The following PARD6G variants were observed in gnomAD, a reference collection of about 807,000 sequenced individuals.
The protein encoded by PARD6G is par-6 family cell polarity regulator gamma, also known as partitioning defective 6 homolog gamma.
In PARD6G, 7 loss-of-function variants were observed where a neutral mutation model predicts 10.7. That is an observed-to-expected ratio of 0.66 (90% CI 0.37 to 1.23). PARD6G has a LOEUF of 1.23. PARD6G is among the 50% of genes most tolerant of loss of function. PARD6G has a pLI of 0.02. For missense variants in PARD6G, 548 were observed against 571.8 expected (o/e 0.96, Z 0.42); for synonymous variants, 287 against 269.4 (o/e 1.07, Z -0.64).
At chr18:80,211,458 G>A (rs1967107097) in intron 1 of PARD6G, among the ~76,000 whole-genome samples, 1 of 152,188 alleles carries the variant, frequency 6.6e-6, no homozygotes, top group African/African-American at 2.4e-5. Flanking sequence ...GTGCACGACT[G>A]GTGATAACGT....
intron 2 of PARD6G, among the ~76,000 whole-genome samples, chr18:80,177,046 CACCACA>C (rs2052813267): frequency 6.8e-6 from 1 of 146,968 alleles, no homozygotes; most frequent in Non-Finnish European, 1.5e-5. Flanking sequence ...CACACACACA[CACCACA>C]GTATAAATCA....
chr18:80,160,105 G>C lies in PARD6G; in HGVS notation c.797C>G (p.Ser266Trp), dbSNP rs768663756. The change falls in exon 3 of 3, where the codon TCG becomes TGG. Residue 266 changes from serine (S) to tryptophan (W), a missense_variant. By Grantham distance (177) the Ser-to-Trp change is radical. Transcript: ENST00000353265. The stretch of plus-strand genomic sequence containing the variant: ...CGCGGTGCCGTCCGAGGGCGGTCCC[G>C]AGCTGCCCAACGCGCGGCCGCCGCG... ...VVRGGRALGSSGPPSDGTAGF... is the reference protein window; with the variant it reads ...VVRGGRALGSWGPPSDGTAGF... 3 of 1,608,636 alleles carry C rather than the reference G, an allele frequency of 1.9e-6. No individual in the cohort carries two copies. The highest frequency in any genetic ancestry group is 2.7e-5 in the African/African-American group (2 of 74,976).
At position 80,231,644 on chromosome 18, in the gene PARD6G, T is replaced by A. The variant is rs1967358876; in HGVS notation, c.72+15633A>T. Among the ~76,000 whole-genome samples, 1 of 152,130 alleles carries A rather than the reference T, an allele frequency of 6.6e-6. No homozygotes were observed. The highest frequency in any genetic ancestry group is 2.4e-5 in the African/African-American group (1 of 41,418). On this transcript the variant is annotated intron_variant, in intron 1 of 2. Coordinates refer to ENST00000353265, the MANE Select transcript of PARD6G (RefSeq NM_032510.4). This position sits in a 1 kb window ranked among gnomAD's most constrained non-coding sequence, Gnocchi z 4.2. ...TTCATAAAATAGATAAAAACATTCA[T>A]CCCAGGGTTGTGGTGAGACTCTAAT... is the stretch of plus-strand genomic sequence containing the variant.
At position 80,177,844 on chromosome 18, in the gene PARD6G, C is replaced by T. The variant is rs1163214903; in HGVS notation, c.296-17238G>A. ...AAACACACACAGGAAAAATCGCAGT[C>T]CAAACGGGAAGCACACACATGTGCA... On this transcript the variant is annotated intron_variant, in intron 2 of 2. Coordinates refer to ENST00000353265, the MANE Select transcript of PARD6G (RefSeq NM_032510.4). Among the ~76,000 whole-genome samples the T allele has an allele frequency of 2.0e-5, 3 of 151,164 alleles. No individual in the cohort carries two copies. The East Asian group carries it at 5.9e-4, about 30-fold the overall frequency.
rs1471050176 is a variant in PARD6G at position 80,201,691 on chromosome 18, G to A, written c.295+1019C>T. ...AGCCATAGCTAGTATTTACAGAGCA[G>A]GGACGAGGAGCTGGCAGCACGCTGC... On this transcript the variant is annotated intron_variant, in intron 2 of 2. Coordinates refer to ENST00000353265, the MANE Select transcript of PARD6G (RefSeq NM_032510.4). The surrounding 1 kb of genome is among the most constrained non-coding windows in gnomAD (Gnocchi z 5.9). Among the ~76,000 whole-genome samples, 1 of 152,266 alleles carries A rather than the reference G, an allele frequency of 6.6e-6. No homozygotes were observed. The highest frequency in any genetic ancestry group is 6.5e-5 in the Admixed American group (1 of 15,288).
rs2052670991 is a variant in PARD6G, at chr18:80,158,518, C to T, written c.*1253G>A. 1 of 152,308 alleles carries T rather than the reference C, an allele frequency of 6.6e-6. No individual in the cohort carries two copies. 9.4% of individuals were successfully genotyped at this position (152,308 alleles called of 1,614,324 possible). On this transcript the variant is annotated 3_prime_UTR_variant, in exon 3 of 3. Transcript: ENST00000353265. ...TGCTGCTTCCTACCCTGGATTTCCC[C>T]TTGAGGCTGAATGGGCCACCTATGT...
intron 1 of PARD6G, among the ~76,000 whole-genome samples, chr18:80,227,721 C>T (rs1177873820): frequency 1.3e-5 from 2 of 152,330 alleles, no homozygotes; most frequent in Non-Finnish European, 2.9e-5. Flanking sequence ...GTGGATTCTC[C>T]TGAGAGTCTG....
chr18:80,212,312 C>G (rs60186330), intron 1 of PARD6G, among the ~76,000 whole-genome samples: 236 of 152,134 alleles, frequency 1.6e-3, no homozygotes, highest in African/African-American at 5.1e-3. Context: ...TCACTCATAA[C>G]CATGAACTGG....
chr18:80,208,568 G>A (rs1453514755), intron 1 of PARD6G, among the ~76,000 whole-genome samples: 1 of 152,022 alleles, frequency 6.6e-6, no homozygotes, highest in Non-Finnish European at 1.5e-5. Flanking sequence ...TATCCCGGGA[G>A]GTCATCTCCT....
intron 2 of PARD6G, among the ~76,000 whole-genome samples, chr18:80,186,709 T>C (rs1283008027): frequency 6.6e-6 from 1 of 152,186 alleles, no homozygotes; most frequent in Non-Finnish European, 1.5e-5. Context: ...ATTTCGTCTG[T>C]AGCTGCTACT....
intron 2 of PARD6G, among the ~76,000 whole-genome samples, chr18:80,177,463 G>GCT (rs2052820228): frequency 7.0e-6 from 1 of 142,798 alleles, no homozygotes; most frequent in Admixed American, 7.1e-5. Context: ...CAAATGGGAA[G>GCT]CACACACACA....
rs945720702 is a variant in PARD6G at position 80,180,477 on chromosome 18, A to G, written c.296-19871T>C. On this transcript the variant is annotated intron_variant, in intron 2 of 2. Transcript: ENST00000353265. This position sits in a 1 kb window ranked among gnomAD's most constrained non-coding sequence, Gnocchi z 5.6. ...CTCTGCTCCATGGTGTACACCCCCC[A>G]GGTATCACCGGGGCCCTCCCAGGAC... Among the ~76,000 whole-genome samples, 1 of 152,086 alleles carries G rather than the reference A, an allele frequency of 6.6e-6. No homozygotes were observed. Among genetic ancestry groups the G allele is most frequent in the Non-Finnish European group, 1.5e-5 (1 of 67,988 alleles).
chr18:80,186,704 G>A (rs1002329573), intron 2 of PARD6G, among the ~76,000 whole-genome samples: 1 of 152,102 alleles, frequency 6.6e-6, no homozygotes, highest in Non-Finnish European at 1.5e-5. Flanking sequence ...TCAGCATTTC[G>A]TCTGTAGCTG....
rs1967005182 is a variant in PARD6G, at chr18:80,201,330, C to A, written c.295+1380G>T. Among the ~76,000 whole-genome samples, 1 of 152,184 alleles carries A rather than the reference C, an allele frequency of 6.6e-6. No homozygotes were observed. The highest frequency in any genetic ancestry group is 2.4e-5 in the African/African-American group (1 of 41,454). On this transcript the variant is annotated intron_variant, in intron 2 of 2. Transcript: ENST00000353265. This position sits in a 1 kb window ranked among gnomAD's most constrained non-coding sequence, Gnocchi z 5.9. ...GGGGCAGGGGGCACAGGCCTCCATTCCAGGACCAGCCAAGCAGCAAGCAGC... is the reference window on the plus strand; with the variant it reads ...GGGGCAGGGGGCACAGGCCTCCATTACAGGACCAGCCAAGCAGCAAGCAGC...
intron 2 of PARD6G, among the ~76,000 whole-genome samples, chr18:80,198,236 C>G (rs1310109533): frequency 6.6e-6 from 1 of 152,180 alleles, no homozygotes; most frequent in Non-Finnish European, 1.5e-5. Context: ...GGGCTCTTAA[C>G]CTGGTATAAG....
chr18:80,227,860 C>A (rs927474647), intron 1 of PARD6G, among the ~76,000 whole-genome samples: 15 of 151,888 alleles, frequency 9.9e-5, no homozygotes, highest in South Asian at 2.1e-4. Context: ...ACCAGGGCTT[C>A]AGACCATTCA....
At chr18:80,177,343 T>C (rs1360827428) in intron 2 of PARD6G, among the ~76,000 whole-genome samples, 55 of 87,862 alleles carry the variant, frequency 6.3e-4, no homozygotes, top group Admixed American at 9.8e-4. Flanking sequence ...CACACACACA[T>C]ACACACACAT....
At chr18:80,165,052 ACAT>A (rs1470832649) in intron 2 of PARD6G, among the ~76,000 whole-genome samples, 2 of 152,334 alleles carry the variant, frequency 1.3e-5, no homozygotes, top group African/African-American at 4.8e-5. Context: ...GTCTTGATAA[ACAT>A]CTTCAACAAC....
At chr18:80,197,048 G>A (rs1966963823) in intron 2 of PARD6G, among the ~76,000 whole-genome samples, 1 of 152,130 alleles carries the variant, frequency 6.6e-6, no homozygotes, top group Non-Finnish European at 1.5e-5. Context: ...CATGGACACA[G>A]TGAGGCTAAT....
Sources: gnomAD v4.1 joint callset for allele counts (sites outside exome capture counted in the v4.1 genomes callset) on GRCh38, gnomAD v4.1.1 for gene constraint, Gnocchi (gnomAD v3.1) non-coding constraint, MANE v1.5 for transcripts, NCBI Gene and HGNC (gene_info 2026-07-23, HGNC 2026-07-21) for gene names.